Variants in TBC1D9B observed in about 807,000 individuals in gnomAD.
TBC1D9B encodes the protein TBC1 domain family member 9B, also known as TBC1 domain family, member 9B (with GRAM domain).
TBC1D9B carries 87 observed loss-of-function variants against 121.1 expected under a neutral mutation model. The ratio of observed to expected loss-of-function variants is 0.72; its 90% CI spans 0.60 to 0.86. TBC1D9B has a LOEUF of 0.86. Ranked by LOEUF, TBC1D9B falls within the 40% of genes least tolerant of loss-of-function variation. The pLI is 0.00. For synonymous variants in TBC1D9B, 668 were observed against 670.1 expected (o/e 1.00, Z 0.05); for missense variants, 1,540 against 1,628.6 (o/e 0.95, Z 0.94).
At chr5:179,869,328 G>A (rs1760115432) in intron 17 of TBC1D9B, 3 of 353,740 alleles carry the variant, frequency 8.5e-6, no homozygotes, top group South Asian at 6.5e-5. Flanking sequence ...GCCCCACTAG[G>A]CTACAGCACC....
intron 5 of TBC1D9B, among the ~76,000 whole-genome samples, chr5:179,892,997 T>C (rs1760907502): frequency 6.6e-6 from 1 of 152,218 alleles, no homozygotes; most frequent in Non-Finnish European, 1.5e-5. Flanking sequence ...TCCCCATTAG[T>C]GGTATCCTCA....
In TBC1D9B at chr5:179,865,673, A is replaced by T. The variant is rs901194165; in HGVS notation, c.2914+165T>A. 2.6e-6 allele frequency: 2 copies of T among 769,132 alleles called. No individual in the cohort carries two copies. Among genetic ancestry groups the T allele is most frequent in the Non-Finnish European group, 2.1e-6 (1 of 477,060 alleles). 47.6% of individuals were successfully genotyped at this position (769,132 alleles called of 1,614,324 possible). ...CTGGGTGCCCGTGGGGCTGGTGGAG[A>T]GCGTGGAGCCTCCTGTGCATCCCGA... On this transcript the variant is annotated intron_variant, in intron 19 of 20. Transcript: ENST00000355235. This position sits in a 1 kb window ranked among gnomAD's most constrained non-coding sequence, Gnocchi z 5.1.
In TBC1D9B at chr5:179,893,260, T is replaced by G; in HGVS notation, c.785A>C (p.Lys262Thr). 1 of 1,613,590 alleles carries G rather than the reference T, an allele frequency of 6.2e-7. No homozygotes were observed. Among genetic ancestry groups the G allele is most frequent in the Non-Finnish European group, 8.5e-7 (1 of 1,180,012 alleles). Residue 262 changes from lysine to threonine, a missense_variant, in exon 5 of 21, where the codon AAG becomes ACG. Lys to Thr is a moderately conservative substitution (Grantham distance 78, BLOSUM62 -1). Coordinates refer to ENST00000355235, the MANE Select transcript of TBC1D9B (RefSeq NM_015043.4). ...LLDSEGFLED[K>T]ALPRPIRPHR... is the part of the protein sequence containing the mutation. ...TGGCCGGATGGGCCTAGGCAGGGCC[T>G]TGTCCTCCAGGAAGCCCTCGCTGTC...
At chr5:179,870,179 A>T in intron 16 of TBC1D9B, 76 bp downstream of exon 16, 1 of 1,581,736 alleles carries the variant, frequency 6.3e-7, no homozygotes, top group Non-Finnish European at 8.6e-7. Context: ...AACAGACAGG[A>T]GATGCTGGCA....
Position 179,875,563 on chromosome 5 carries a change from C to A in TBC1D9B, c.1900+357G>T, listed in dbSNP as rs989722497. 6.6e-6 allele frequency among the ~76,000 whole-genome samples: 1 copy of A among 152,134 alleles called. No individual in the cohort carries two copies. The highest frequency in any genetic ancestry group is 1.5e-5 in the Non-Finnish European group (1 of 68,030). ...CAAACACCAGACAGCAGGGGAAGGACAGGATAACATGCTTAAATATGAACC... is the reference window on the plus strand; with the variant it reads ...CAAACACCAGACAGCAGGGGAAGGAAAGGATAACATGCTTAAATATGAACC... On this transcript the variant is annotated intron_variant, in intron 11 of 20. Coordinates refer to ENST00000355235, the MANE Select transcript of TBC1D9B (RefSeq NM_015043.4). This position sits in a 1 kb window ranked among gnomAD's most constrained non-coding sequence, Gnocchi z 4.5.
At chr5:179,906,446 C>T (rs1039612364) in intron 1 of TBC1D9B, among the ~76,000 whole-genome samples, 2 of 152,240 alleles carry the variant, frequency 1.3e-5, no homozygotes, top group Non-Finnish European at 2.9e-5. Context: ...CCCACATAAG[C>T]CTGCCGAGCA....
At chr5:179,870,006 C>T (rs1760141543) in intron 16 of TBC1D9B, among the ~76,000 whole-genome samples, 172 bp from the exon 17 acceptor site, 1 of 152,180 alleles carries the variant, frequency 6.6e-6, no homozygotes, top group Non-Finnish European at 1.5e-5. Flanking sequence ...GAAGGCTCAG[C>T]CCTTCCCTGG....
rs1437306729 is a variant in TBC1D9B at position 179,879,583 on chromosome 5, G to A, written c.1416+45C>T. 2.5e-6 allele frequency: 4 copies of A among 1,612,634 alleles called. No individual in the cohort carries two copies. In the African/African-American group the frequency reaches 5.3e-5, roughly 22 times the overall value. ...ACTGGCTCCAGCTTTCCTCCTGAGG[G>A]CTCCGCTCTTGACGGAGGCTGGAGT... On this transcript the variant is annotated intron_variant, in intron 8 of 20. Coordinates refer to ENST00000355235, the MANE Select transcript of TBC1D9B (RefSeq NM_015043.4).
chr5:179,891,653 A>C lies in TBC1D9B; in HGVS notation c.837-67T>G, dbSNP rs1582097091. ...GTCAGGACCAGCACACTCTCAAGGA[A>C]GCCTTGGGGCCTCCCCAGGCCTGTT... On this transcript the variant is annotated intron_variant, in intron 5 of 20. Transcript: ENST00000355235. The surrounding 1 kb of genome is among the most constrained non-coding windows in gnomAD (Gnocchi z 4.3). 6.4e-7 allele frequency: 1 copy of C among 1,558,178 alleles called. No individual in the cohort carries two copies. The highest frequency in any genetic ancestry group is 2.3e-5 in the East Asian group (1 of 44,270).
chr5:179,875,251 G>T lies in TBC1D9B; in HGVS notation c.1901-64C>A. On this transcript the variant is annotated intron_variant, in intron 11 of 20. Transcript: ENST00000355235. This position sits in a 1 kb window ranked among gnomAD's most constrained non-coding sequence, Gnocchi z 4.5. ...CTGTGGCCTGGGTGGGCCCTCACCT[G>T]CAGCGTACGAGCCCTGGCCACTCCA... 1 of 1,564,622 alleles carries T rather than the reference G, an allele frequency of 6.4e-7. No homozygotes were observed.
At position 179,865,989 on chromosome 5, in the gene TBC1D9B, A is replaced by G; in HGVS notation, c.2864-101T>C. On this transcript the variant is annotated intron_variant, in intron 18 of 20. Transcript: ENST00000355235. The surrounding 1 kb of genome is among the most constrained non-coding windows in gnomAD (Gnocchi z 5.1). The stretch of plus-strand genomic sequence containing the variant: ...ATGTAGTCTGTGTTTCTGTACAGCC[A>G]GCCCCAGGCCAGGCCCTGGGGAGCA... 6.8e-7 allele frequency: 1 copy of G among 1,465,502 alleles called. No homozygotes were observed. Among genetic ancestry groups the G allele is most frequent in the Non-Finnish European group, 9.5e-7 (1 of 1,051,952 alleles). 90.8% of individuals were successfully genotyped at this position (1,465,502 alleles called of 1,614,324 possible).
intron 12 of TBC1D9B, among the ~76,000 whole-genome samples, chr5:179,873,819 T>C (rs751179905): frequency 5.3e-5 from 8 of 151,852 alleles, no homozygotes; most frequent in Non-Finnish European, 1.2e-4. Flanking sequence ...TGGGAGGAGG[T>C]AGCTGACTCC....
At position 179,867,841 on chromosome 5, in the gene TBC1D9B, G is replaced by A. The variant is rs999110823; in HGVS notation, c.2800C>T (p.Pro934Ser). 3 of 1,520,500 alleles carry A rather than the reference G, an allele frequency of 2.0e-6. No individual in the cohort carries two copies. The highest frequency in any genetic ancestry group is 1.4e-5 in the African/African-American group (1 of 71,904). The allele number at this position is 1,520,500 out of a possible 1,614,324, so 94.2% of individuals were successfully genotyped here. A position where few individuals can be genotyped will look rare whatever the true frequency, so the allele number is the denominator to read the frequency against. ...TCCAGGGCTGACTCGGCTTCCTCTG[G>A]GCTCAGAGCTGTGCTTGGAGAGAAG... ...YKLHLPPALS[P>S]EEAESALEAA... Residue 934 changes from proline (P) to serine (S), a missense_variant, in exon 18 of 21, where the codon CCA becomes TCA. Coordinates refer to ENST00000355235, the MANE Select transcript of TBC1D9B (RefSeq NM_015043.4).
chr5:179,902,940 G>A lies in TBC1D9B; in HGVS notation c.229+1762C>T, dbSNP rs1761202550. 6.6e-6 allele frequency among the ~76,000 whole-genome samples: 1 copy of A among 152,160 alleles called. No individual in the cohort carries two copies. Among genetic ancestry groups the A allele is most frequent in the Non-Finnish European group, 1.5e-5 (1 of 68,036 alleles). ...TTATTCAGTCCTGCAAAGGAGAAGG[G>A]CACTGCTGGTCAGGATGCCCGTGCA... On this transcript the variant is annotated intron_variant, in intron 2 of 20. Coordinates refer to ENST00000355235, the MANE Select transcript of TBC1D9B (RefSeq NM_015043.4). The surrounding 1 kb of genome is among the most constrained non-coding windows in gnomAD (Gnocchi z 4.9).
At chr5:179,864,901 G>C (rs965941139) in intron 20 of TBC1D9B, among the ~76,000 whole-genome samples, 1 of 152,248 alleles carries the variant, frequency 6.6e-6, no homozygotes, top group Non-Finnish European at 1.5e-5. Context: ...AGTGAATGAA[G>C]AGCGGGTGTG....
rs1760346082 is a variant in TBC1D9B, at chr5:179,875,932, T to TGGTGGTG, written c.1887_1888insCACCACC (p.Thr630HisfsTer67). 1 of 1,606,626 alleles carries TGGTGGTG rather than the reference T, an allele frequency of 6.2e-7. No homozygotes were observed. Among genetic ancestry groups the TGGTGGTG allele is most frequent in the Non-Finnish European group, 8.5e-7 (1 of 1,177,354 alleles). On this transcript the variant is annotated frameshift_variant, in exon 11 of 21. Coordinates refer to ENST00000355235, the MANE Select transcript of TBC1D9B (RefSeq NM_015043.4). LOFTEE classifies it high-confidence loss of function. This position sits in a 1 kb window ranked among gnomAD's most constrained non-coding sequence, Gnocchi z 4.5. ...CGGGGACACTCACCCACCACCCTGG[T>TGGTGGTG]GTTGTAGTAGTCGGGCAGCATGCGC...
Position 179,904,786 on chromosome 5 carries a change from C to G in TBC1D9B, c.145G>C (p.Val49Leu), listed in dbSNP as rs1309261538. The change falls in exon 2 of 21, where the codon GTG (valine) becomes CTG (leucine). Residue 49 changes from valine (V) to leucine (L), a missense_variant. Coordinates refer to ENST00000355235, the MANE Select transcript of TBC1D9B (RefSeq NM_015043.4). This position sits in a 1 kb window ranked among gnomAD's most constrained non-coding sequence, Gnocchi z 4.2. The stretch of plus-strand genomic sequence containing the variant: ...GCCACGCGGGCACTGGAGTCCAGCA[C>G]CACGTCCAGGGTGCCCACGAGAAGA... ...TGLLVGTLDV[V>L]LDSSARVAPY... is the part of the protein sequence containing the mutation. The G allele has an allele frequency of 6.4e-7, 1 of 1,570,418 alleles. No individual in the cohort carries two copies. The highest frequency in any genetic ancestry group is 8.6e-7 in the Non-Finnish European group (1 of 1,157,718).
chr5:179,887,896 G>C (rs761624436), intron 7 of TBC1D9B: 1 of 647,438 alleles, frequency 1.5e-6, no homozygotes, highest in Non-Finnish European at 2.7e-6. Flanking sequence ...AGGAGTACCG[G>C]GTGTGTGGCT....
At position 179,904,368 on chromosome 5, in the gene TBC1D9B, G is replaced by A. The variant is rs150629670; in HGVS notation, c.229+334C>T. 8.3e-3 allele frequency among the ~76,000 whole-genome samples: 1,266 copies of A among 152,060 alleles called. 15 individuals are homozygous for A. Among genetic ancestry groups the A allele is most frequent in the African/African-American group, 0.029 (1,187 of 41,426 alleles). The stretch of plus-strand genomic sequence containing the variant: ...GCCTCCCGAGTAGCTGGGACTACAG[G>A]CCTCCGCCACCACCCCCAGCTAATT... On this transcript the variant is annotated intron_variant, in intron 2 of 20. Transcript: ENST00000355235. The surrounding 1 kb of genome is among the most constrained non-coding windows in gnomAD (Gnocchi z 4.2).
Sources: gnomAD v4.1 joint callset for allele counts (sites outside exome capture counted in the v4.1 genomes callset) on GRCh38, gnomAD v4.1.1 for gene constraint, Gnocchi (gnomAD v3.1) non-coding constraint, MANE v1.5 for transcripts, NCBI Gene and HGNC (gene_info 2026-07-23, HGNC 2026-07-21) for gene names.